Variants in FARS2 observed in about 807,000 individuals in gnomAD.
The protein encoded by FARS2 is phenylalanine--tRNA ligase, mitochondrial.
A neutral mutation model predicts 46.4 loss-of-function variants in FARS2; 40 were observed. The observed-to-expected ratio is 0.86, with a 90% CI of 0.67 to 1.12. The LOEUF (loss-of-function observed/expected upper bound fraction) is 1.12. FARS2 is among the 50% of genes most tolerant of loss of function. FARS2 has a pLI of 0.00. For missense variants in FARS2, 513 were observed against 567.9 expected, an observed-to-expected ratio of 0.90 and a Z score of 0.98; for synonymous variants, 234 against 214.9, an observed-to-expected ratio of 1.09 and a Z score of -0.78.
upstream of FARS2, chr6:5,260,515 G>C (rs1428608042): frequency 1.6e-6 from 2 of 1,234,514 alleles, no homozygotes; most frequent in Non-Finnish European, 2.2e-6. Flanking sequence ...CGATGGCGGA[G>C]CCCGGTCCTT....
chr6:5,640,503 G>T (rs1283657620), intron 6 of FARS2, among the ~76,000 whole-genome samples: 1 of 152,188 alleles, frequency 6.6e-6, no homozygotes, highest in Non-Finnish European at 1.5e-5. Context: ...GGCCTGGTTT[G>T]CTCACATAGT....
Position 5,380,123 on chromosome 6 carries a change from G to A in FARS2, c.612+10941G>A, listed in dbSNP as rs149296901. Among the ~76,000 whole-genome samples the A allele has an allele frequency of 3.2e-4, 49 of 152,264 alleles. No individual in the cohort carries two copies. The East Asian group carries it at 6.6e-3, about 20-fold the overall frequency. ...ATTTCTGAAAACAATTAGGTAATGG[G>A]AAAGCTCTCTAGTTATTCGATCTTA... On this transcript the variant is annotated intron_variant, in intron 2 of 6. Transcript: ENST00000274680.
At chr6:5,673,625 A>G (rs1261395837) in intron 6 of FARS2, among the ~76,000 whole-genome samples, 1 of 152,200 alleles carries the variant, frequency 6.6e-6, no homozygotes, top group African/African-American at 2.4e-5. Context: ...GACAGATACA[A>G]GAAACATGGG....
intron 5 of FARS2, among the ~76,000 whole-genome samples, chr6:5,593,447 A>G (rs1183886918): frequency 1.3e-5 from 2 of 152,186 alleles, no homozygotes; most frequent in Admixed American, 1.3e-4. Flanking sequence ...TCCAACTGAA[A>G]TGATGAGCCA....
intron 4 of FARS2, among the ~76,000 whole-genome samples, chr6:5,527,201 T>G (rs984821313): frequency 1.3e-5 from 2 of 152,266 alleles, no homozygotes; most frequent in African/African-American, 4.8e-5. Flanking sequence ...AAGCTGGAAC[T>G]GACCCTGTAA....
chr6:5,443,753 C>G (rs754917181), intron 4 of FARS2, among the ~76,000 whole-genome samples: 42 of 152,204 alleles, frequency 2.8e-4, no homozygotes, highest in Non-Finnish European at 5.0e-4. Context: ...CTGTAGCTGG[C>G]TGATAAAACA....
chr6:5,256,778 T>TA (rs1056697717), upstream of FARS2, among the ~76,000 whole-genome samples: 10 of 151,926 alleles, frequency 6.6e-5, no homozygotes, highest in African/African-American at 2.4e-4. Context: ...AAATATGAAC[T>TA]AAAAAACCCT....
chr6:5,709,336 C>T (rs1758956648), intron 6 of FARS2, among the ~76,000 whole-genome samples: 1 of 152,162 alleles, frequency 6.6e-6, no homozygotes, highest in African/African-American at 2.4e-5. Context: ...ATCCCAGCTG[C>T]ACCTGCCCTC....
At chr6:5,636,565 A>C (rs1318038394) in intron 6 of FARS2, among the ~76,000 whole-genome samples, 2 of 152,228 alleles carry the variant, frequency 1.3e-5, no homozygotes, top group African/African-American at 4.8e-5. Context: ...GTTTGCCTTG[A>C]GCAGCAGCAA....
chr6:5,472,696 A>G (rs1455724479), intron 4 of FARS2, among the ~76,000 whole-genome samples: 4 of 152,196 alleles, frequency 2.6e-5, no homozygotes, highest in Non-Finnish European at 5.9e-5. Flanking sequence ...TAGGTGGTCC[A>G]AGGTGCAATT....
At chr6:5,283,648 T>G (rs72815610) in intron 1 of FARS2, among the ~76,000 whole-genome samples, 17,848 of 152,172 alleles carry the variant, frequency 0.12, 1,156 homozygotes, top group Middle Eastern at 0.15. Flanking sequence ...GTCTTAGACA[T>G]TTTCTTATAT....
chr6:5,276,897 G>A (rs1046542196), intron 1 of FARS2, among the ~76,000 whole-genome samples: 8 of 152,206 alleles, frequency 5.3e-5, no homozygotes, highest in Admixed American at 5.2e-4. Flanking sequence ...AAATCAGGCA[G>A]CACAGGAGGA....
chr6:5,490,529 C>G (rs1767042374), intron 4 of FARS2, among the ~76,000 whole-genome samples: 1 of 152,198 alleles, frequency 6.6e-6, no homozygotes. Flanking sequence ...CAAGATGGCC[C>G]CCAGTGATCG....
chr6:5,423,215 C>T lies in FARS2; in HGVS notation c.773-7826C>T, dbSNP rs146466164. ...GAGGATCGAGGACCAAAGGGCTGTGCTGTGGCTCTGCCTGAGGCCGGGATG... is the reference window on the plus strand; with the variant it reads ...GAGGATCGAGGACCAAAGGGCTGTGTTGTGGCTCTGCCTGAGGCCGGGATG... On this transcript the variant is annotated intron_variant, in intron 3 of 6. Transcript: ENST00000274680. Among the ~76,000 whole-genome samples, 27 of 152,084 alleles carry T rather than the reference C, an allele frequency of 1.8e-4. No homozygotes were observed. In the East Asian group the frequency reaches 3.9e-3, roughly 22 times the overall value.
intron 4 of FARS2, among the ~76,000 whole-genome samples, chr6:5,515,277 A>ATT (rs1354584321): frequency 2.0e-5 from 3 of 152,200 alleles, no homozygotes; most frequent in African/African-American, 7.2e-5. Flanking sequence ...ACTCTTGCCA[A>ATT]TAGGAATTTC....
chr6:5,436,894 T>C (rs1359582714), intron 4 of FARS2, among the ~76,000 whole-genome samples: 1 of 152,206 alleles, frequency 6.6e-6, no homozygotes, highest in Non-Finnish European at 1.5e-5. Flanking sequence ...TGAATATTTT[T>C]CCCAATTTTT....
intron 4 of FARS2, among the ~76,000 whole-genome samples, chr6:5,459,096 C>T (rs1211891680): frequency 1.3e-5 from 2 of 152,226 alleles, no homozygotes; most frequent in African/African-American, 4.8e-5. Flanking sequence ...ACTGATGACA[C>T]TGGTCCATGT....
intron 1 of FARS2, among the ~76,000 whole-genome samples, chr6:5,266,515 A>C (rs1202794703): frequency 6.6e-6 from 1 of 152,120 alleles, no homozygotes; most frequent in African/African-American, 2.4e-5. Flanking sequence ...AATAGAATAA[A>C]AAAAAGAAAA....
chr6:5,469,774 C>CT (rs1296492530), intron 4 of FARS2, among the ~76,000 whole-genome samples: 4 of 152,164 alleles, frequency 2.6e-5, no homozygotes, highest in Admixed American at 6.5e-5. Flanking sequence ...TACAACTTTT[C>CT]TTTTTCCTTT....
Sources: gnomAD v4.1 joint callset for allele counts (sites outside exome capture counted in the v4.1 genomes callset) on GRCh38, gnomAD v4.1.1 for gene constraint, MANE v1.5 for transcripts, NCBI Gene and HGNC (gene_info 2026-07-23, HGNC 2026-07-21) for gene names.